The following SLC35F3 variants were observed in gnomAD, a reference collection of about 807,000 sequenced individuals.
SLC35F3 encodes the protein solute carrier family 35 member F3, also known as putative thiamine transporter SLC35F3.
In SLC35F3, 25 loss-of-function variants were observed where a neutral mutation model predicts 49.9. That is an observed-to-expected ratio of 0.50 (90% CI 0.37 to 0.70). The LOEUF is 0.70. Ranked by LOEUF, SLC35F3 falls within the 30% of genes least tolerant of loss-of-function variation. The pLI is 0.00. For missense variants in SLC35F3, 525 were observed against 639.8 expected, an observed-to-expected ratio of 0.82 and a Z score of 1.94; for synonymous variants, 275 against 265.4, an observed-to-expected ratio of 1.04 and a Z score of -0.35.
intron 2 of SLC35F3, among the ~76,000 whole-genome samples, chr1:234,071,385 C>T (rs1300836168): frequency 1.3e-5 from 2 of 152,138 alleles, no homozygotes; most frequent in African/African-American, 4.8e-5. Flanking sequence ...TTGTTCCCAT[C>T]CTGGTTTCAT....
At chr1:234,100,959 C>T (rs1040748700) in intron 2 of SLC35F3, among the ~76,000 whole-genome samples, 1 of 152,170 alleles carries the variant, frequency 6.6e-6, no homozygotes, top group Non-Finnish European at 1.5e-5. Context: ...TCAGCCTCCT[C>T]ACCCATCACT....
At chr1:234,196,776 C>A (rs1191598708) in intron 2 of SLC35F3, among the ~76,000 whole-genome samples, 1 of 152,124 alleles carries the variant, frequency 6.6e-6, no homozygotes, top group Non-Finnish European at 1.5e-5. Flanking sequence ...CTCGTCTCTA[C>A]TAAAAAAATA....
intron 2 of SLC35F3, among the ~76,000 whole-genome samples, chr1:233,948,177 G>T (rs187500773): frequency 6.7e-6 from 1 of 148,794 alleles, no homozygotes; most frequent in African/African-American, 2.5e-5. Context: ...TCCCTGGAAC[G>T]GTAAGAGGGA....
chr1:234,313,959 G>A (rs1477240384), intron 4 of SLC35F3, among the ~76,000 whole-genome samples: 2 of 152,238 alleles, frequency 1.3e-5, no homozygotes, highest in Non-Finnish European at 2.9e-5. Flanking sequence ...CACAGGGCAC[G>A]TTCCAACCCT....
In SLC35F3 at chr1:234,280,433, CTG is replaced by C. The variant is rs1386786089; in HGVS notation, c.609-28666_609-28665del. On this transcript the variant is annotated intron_variant, in intron 3 of 7. Transcript: ENST00000366618. The stretch of plus-strand genomic sequence containing the variant: ...AGAATCATCATTAGATATATTCACT[CTG>C]TAGCTGAAACCGGTTTTCTGTTTAT... 4.6e-5 allele frequency among the ~76,000 whole-genome samples: 7 copies of C among 152,306 alleles called. No individual in the cohort carries two copies. The South Asian group carries it at 1.2e-3, about 27-fold the overall frequency.
intron 3 of SLC35F3, 57 bp from the exon 4 acceptor site, chr1:234,309,043 TA>T: frequency 1.4e-6 from 2 of 1,393,198 alleles, no homozygotes; most frequent in Admixed American, 2.1e-5. Context: ...CTATAGGAAA[TA>T]AATGGTCTGT....
intron 2 of SLC35F3, among the ~76,000 whole-genome samples, chr1:234,126,067 G>A (rs781639741): frequency 2.6e-5 from 4 of 152,206 alleles, no homozygotes; most frequent in Non-Finnish European, 5.9e-5. Flanking sequence ...CAGTTCATGA[G>A]TTGTGATGGT....
chr1:234,309,541 A>G (rs1657297504), intron 4 of SLC35F3, among the ~76,000 whole-genome samples: 1 of 152,156 alleles, frequency 6.6e-6, no homozygotes, highest in Non-Finnish European at 1.5e-5. Flanking sequence ...TCATTAAAGC[A>G]CCTTTCATTT....
intron 2 of SLC35F3, among the ~76,000 whole-genome samples, chr1:234,088,118 C>T (rs1158758283): frequency 1.3e-5 from 2 of 152,192 alleles, no homozygotes; most frequent in Non-Finnish European, 2.9e-5. Context: ...CCAGCACCTA[C>T]AGCAGTGATT....
chr1:234,183,533 A>G (rs943561250), intron 2 of SLC35F3, among the ~76,000 whole-genome samples: 1 of 143,032 alleles, frequency 7.0e-6, no homozygotes, highest in Non-Finnish European at 1.5e-5. Context: ...AGGACTTGAC[A>G]TGAAATAGAC....
intron 3 of SLC35F3, among the ~76,000 whole-genome samples, chr1:234,256,490 G>C (rs188109647): frequency 6.6e-6 from 1 of 152,204 alleles, no homozygotes; most frequent in Admixed American, 6.5e-5. Context: ...CCAGAAACCA[G>C]CCCTTTCAAA....
rs1661761856 is a variant in SLC35F3 at position 233,905,608 on chromosome 1, G to A, written c.133G>A (p.Val45Met). The change falls in exon 2 of 8, where the codon GTG becomes ATG. Residue 45 changes from valine to methionine, a missense_variant. Val to Met is a conservative substitution (Grantham distance 21). Transcript: ENST00000366618. ...SPQLRQLKYL[V>M]VDEAIKEDLK... The stretch of plus-strand genomic sequence containing the variant: ...CCAGCTCCGGCAGCTCAAGTACTTG[G>A]TGGTGGACGAGGCGATTAAGGAGGA... The A allele has an allele frequency of 1.9e-6, 3 of 1,614,058 alleles. No homozygotes were observed.
At chr1:234,164,032 G>C (rs1666273418) in intron 2 of SLC35F3, among the ~76,000 whole-genome samples, 1 of 151,748 alleles carries the variant, frequency 6.6e-6, no homozygotes, top group African/African-American at 2.4e-5. Flanking sequence ...TTAGAATGTA[G>C]CAGAGACTGT....
intron 2 of SLC35F3, among the ~76,000 whole-genome samples, chr1:234,207,831 A>T (rs575578990): frequency 6.6e-6 from 1 of 152,092 alleles, no homozygotes; most frequent in African/African-American, 2.4e-5. Flanking sequence ...GTAAGCTCAC[A>T]TCTCTACAAA....
At chr1:234,197,861 C>G (rs147873884) in intron 2 of SLC35F3, among the ~76,000 whole-genome samples, 1 of 152,220 alleles carries the variant, frequency 6.6e-6, no homozygotes, top group African/African-American at 2.4e-5. Flanking sequence ...AATAACACAT[C>G]TGTTGTGTTG....
rs577618128 is a variant in SLC35F3, at chr1:233,906,631, A to G, written c.283+873A>G. The stretch of plus-strand genomic sequence containing the variant: ...ATGGGCCTTGACGTCTTTCATTTGT[A>G]ATAAAGACTAGATTAATAGCTTGTT... On this transcript the variant is annotated intron_variant, in intron 2 of 7. Coordinates refer to ENST00000366618, the MANE Select transcript of SLC35F3 (RefSeq NM_173508.4). Among the ~76,000 whole-genome samples, 39 of 152,320 alleles carry G rather than the reference A, an allele frequency of 2.6e-4. No homozygotes were observed. The South Asian group carries it at 7.5e-3, about 29-fold the overall frequency.
chr1:234,269,797 C>A (rs1006077254), intron 3 of SLC35F3, among the ~76,000 whole-genome samples: 1 of 152,100 alleles, frequency 6.6e-6, no homozygotes, highest in Non-Finnish European at 1.5e-5. Context: ...CTCATAAGAG[C>A]TGGTTTTTTA....
intron 2 of SLC35F3, among the ~76,000 whole-genome samples, chr1:233,994,656 A>T (rs894241868): frequency 4.1e-4 from 62 of 152,316 alleles, no homozygotes; most frequent in African/African-American, 1.3e-3. Context: ...GCAGCCAAGG[A>T]TTACATCTAG....
intron 2 of SLC35F3, among the ~76,000 whole-genome samples, chr1:234,227,729 T>A (rs578047238): frequency 3.3e-5 from 5 of 152,170 alleles, no homozygotes; most frequent in Non-Finnish European, 7.4e-5. Context: ...GATAAAAGAG[T>A]GAAATCAAAC....
Sources: gnomAD v4.1 joint callset for allele counts (sites outside exome capture counted in the v4.1 genomes callset) on GRCh38, gnomAD v4.1.1 for gene constraint, MANE v1.5 for transcripts, NCBI Gene and HGNC (gene_info 2026-07-23, HGNC 2026-07-21) for gene names.